Variants in DRP2 observed in about 807,000 individuals in gnomAD.
DRP2 encodes the protein dystrophin-related protein 2.
In DRP2, 29 loss-of-function variants were observed where a neutral mutation model predicts 78.2. The observed-to-expected ratio is 0.37, with a 90% CI of 0.28 to 0.51. The LOEUF (loss-of-function observed/expected upper bound fraction) is 0.51, where lower values mean the gene tolerates loss of function less well. Among genes scored for constraint, DRP2 ranks in the 20% least tolerant of loss-of-function variants. The pLI is 0.94. For missense variants in DRP2, 686 were observed against 770.6 expected (o/e 0.89, Z 1.30); for synonymous variants, 290 against 281.9 (o/e 1.03, Z -0.29).
intron 21 of DRP2, among the ~76,000 whole-genome samples, chrX:101,257,429 T>G (rs868678218): frequency 1.9e-5 from 1 of 51,447 alleles, no homozygotes; most frequent in African/African-American, 6.7e-5. Flanking sequence ...CAAGGCAAGA[T>G]AAAAAAAAAA....
In DRP2 at chrX:101,250,286, C is replaced by A. The variant is rs1254028680; in HGVS notation, c.1541-137C>A. 3.5e-6 allele frequency: 3 copies of A among 857,466 alleles called. No homozygotes were observed. The Admixed American group carries it at 7.5e-5, about 22-fold the overall frequency. The allele number at this position is 857,466 out of a possible 1,213,427, so 70.7% of individuals were successfully genotyped here. On this transcript the variant is annotated intron_variant, in intron 14 of 23. Transcript: ENST00000395209. ...CGGCTACTAGAAGGTCAGGGATAGACCTCTATGTAGTCCAGTTTGAAAAGT... is the reference window on the plus strand; with the variant it reads ...CGGCTACTAGAAGGTCAGGGATAGAACTCTATGTAGTCCAGTTTGAAAAGT...
Position 101,262,446 on chromosome X carries a change from C to G in DRP2, c.*1825C>G, listed in dbSNP as rs917027784. ...GAACATTCTCTGGTCCCTTCCAGCT[C>G]TTATGGTCTCACTCAGGGCTAAAGA... On this transcript the variant is annotated 3_prime_UTR_variant, in exon 24 of 24. Coordinates refer to ENST00000395209, the MANE Select transcript of DRP2 (RefSeq NM_001939.3). The G allele has an allele frequency of 9.0e-6, 1 of 111,693 alleles. No individual in the cohort carries two copies. The highest frequency in any genetic ancestry group is 3.8e-4 in the South Asian group (1 of 2,650). The allele number at this position is 111,693 out of a possible 1,213,427, so 9.2% of individuals were successfully genotyped here.
At chrX:101,243,066 G>A (rs1922790687) in intron 9 of DRP2, 84 bp downstream of exon 9, 1 of 892,881 alleles carries the variant, frequency 1.1e-6, no homozygotes, top group African/African-American at 2.0e-5. Context: ...GGGCCCTGGT[G>A]GGAGCCCAGT....
intron 12 of DRP2, among the ~76,000 whole-genome samples, chrX:101,247,572 C>G (rs1172594072): frequency 1.8e-5 from 2 of 111,406 alleles, no homozygotes; most frequent in Non-Finnish European, 3.8e-5. Context: ...TGGCCTTTCT[C>G]GGAGACACTG....
At position 101,227,999 on chromosome X, in the gene DRP2, G is replaced by A. The variant is rs1922178798; in HGVS notation, c.-64+3293G>A. ...GTGGAGGAAAAGCTAAATATCTTTAGCAATTAAGGAAACGCAAAGTAATCC... is the reference window on the plus strand; with the variant it reads ...GTGGAGGAAAAGCTAAATATCTTTAACAATTAAGGAAACGCAAAGTAATCC... On this transcript the variant is annotated intron_variant, in intron 2 of 23. Coordinates refer to ENST00000395209, the MANE Select transcript of DRP2 (RefSeq NM_001939.3). 6.2e-5 allele frequency among the ~76,000 whole-genome samples: 7 copies of A among 112,336 alleles called. No individual in the cohort carries two copies. The South Asian group carries it at 2.6e-3, about 41-fold the overall frequency.
In DRP2 at chrX:101,224,181, G is replaced by GTTT. The variant is rs1379202759; in HGVS notation, c.-166-423_-166-422insTTT. Among the ~76,000 whole-genome samples, 172 of 47,632 alleles carry GTTT rather than the reference G, an allele frequency of 3.6e-3. 11 individuals are homozygous for GTTT. Among genetic ancestry groups the GTTT allele is most frequent in the African/African-American group, 4.4e-3 (36 of 8,191 alleles). The allele number at this position is 47,632 out of a possible 115,157, so 41.4% of individuals were successfully genotyped here. ...TCCCAAGAATAATAAATGTTTGCTG[G>GTTT]GTTTTTTTTGTTTTTTTTTTTTTTT... On this transcript the variant is annotated intron_variant, in intron 1 of 23. Coordinates refer to ENST00000395209, the MANE Select transcript of DRP2 (RefSeq NM_001939.3).
chrX:101,260,422 C>A, intron 23 of DRP2, 75 bp from the exon 24 acceptor site: 2 of 1,148,448 alleles, frequency 1.7e-6, no homozygotes, highest in Non-Finnish European at 2.3e-6. Context: ...CTTCAGCTGG[C>A]AGAATTCTAT....
Position 101,258,391 on chromosome X carries a change from G to A in DRP2, c.2473G>A (p.Glu825Lys), listed in dbSNP as rs373399175. The A allele has an allele frequency of 6.1e-5, 74 of 1,204,337 alleles. No individual in the cohort carries two copies. Among genetic ancestry groups the A allele is most frequent in the Non-Finnish European group, 8.1e-5 (72 of 892,474 alleles). The change falls in exon 22 of 24, where the codon GAG becomes AAG. Residue 825 changes from glutamate (E) to lysine (K), a missense_variant. Transcript: ENST00000395209. ...ACCCAGTCTGGCTGACGGCTCCACT[G>A]AGGCAGCAACAGACCACCGCAATGA... ...EAPSLADGST[E>K]AATDHRNEEL... is the part of the protein sequence containing the mutation.
At chrX:101,255,406 C>G (rs1923302034) in intron 20 of DRP2, among the ~76,000 whole-genome samples, 157 bp downstream of exon 20, 1 of 110,964 alleles carries the variant, frequency 9.0e-6, no homozygotes, top group African/African-American at 3.3e-5. Context: ...GCACGGTGTT[C>G]AGTAAGAAAG....
chrX:101,230,527 A>AAAAT (rs781565377), intron 2 of DRP2, among the ~76,000 whole-genome samples: 9 of 110,613 alleles, frequency 8.1e-5, no homozygotes, highest in South Asian at 7.8e-4. Flanking sequence ...ACTCCCGTCT[A>AAAAT]AAATAAATAA....
chrX:101,256,149 A>G lies in DRP2; in HGVS notation c.2278A>G (p.Ser760Gly), dbSNP rs771013317. 8.3e-7 allele frequency: 1 copy of G among 1,205,666 alleles called. No homozygotes were observed. The highest frequency in any genetic ancestry group is 1.8e-5 in the South Asian group (1 of 55,653). Residue 760 changes from serine to glycine, a missense_variant, in exon 21 of 24, where the codon AGC becomes GGC. Ser to Gly is a moderately conservative substitution (Grantham distance 56). Transcript: ENST00000395209. ...GGACCAGTACCTGCTGCGGCACTCC[A>G]GCCCCATCACAGACCGGGAGCCAGC... The part of the protein sequence containing the change: ...DEDQYLLRHS[S>G]PITDREPAFG...
At chrX:101,230,710 G>A (rs1040332379) in intron 2 of DRP2, among the ~76,000 whole-genome samples, 9 of 110,107 alleles carry the variant, frequency 8.2e-5, no homozygotes, top group Non-Finnish European at 1.7e-4. Flanking sequence ...CACCTACCTT[G>A]TACTCTGGTC....
intron 2 of DRP2, among the ~76,000 whole-genome samples, chrX:101,225,617 T>G (rs1283228401): frequency 1.8e-5 from 2 of 111,552 alleles, no homozygotes; most frequent in Non-Finnish European, 3.8e-5. Flanking sequence ...CAGTTATTAT[T>G]TATTTGATTA....
rs1215497958 is a variant in DRP2 at position 101,237,871 on chromosome X, A to G, written c.438+96A>G. ...GACAGACACCCAGCTCTGCTGAGAC[A>G]CCTAAATGAATAGGAGGCTGTATGC... On this transcript the variant is annotated intron_variant, in intron 5 of 23. Coordinates refer to ENST00000395209, the MANE Select transcript of DRP2 (RefSeq NM_001939.3). 17 of 879,887 alleles carry G rather than the reference A, an allele frequency of 1.9e-5. No individual in the cohort carries two copies. In the East Asian group the frequency reaches 5.7e-4, roughly 30 times the overall value. The allele number at this position is 879,887 out of a possible 1,213,427, so 72.5% of individuals were successfully genotyped here.
At chrX:101,253,983 TTAAAGTA>T (rs1923243666) in intron 17 of DRP2, among the ~76,000 whole-genome samples, 1 of 110,258 alleles carries the variant, frequency 9.1e-6, no homozygotes, top group Non-Finnish European at 1.9e-5. Flanking sequence ...ATAAAAGCGT[TTAAAGTA>T]TAAAAAAAAG....
chrX:101,231,124 C>T lies in DRP2; in HGVS notation c.-63-461C>T, dbSNP rs763160669. 2.7e-5 allele frequency among the ~76,000 whole-genome samples: 3 copies of T among 112,186 alleles called. No homozygotes were observed. The South Asian group carries it at 1.1e-3, about 42-fold the overall frequency. On this transcript the variant is annotated intron_variant, in intron 2 of 23. Coordinates refer to ENST00000395209, the MANE Select transcript of DRP2 (RefSeq NM_001939.3). ...TCTGTCTGCTGGGAATGCCATTCTCCCTTTCTCCTCTGCACAAGCAAATAT... is the reference window on the plus strand; with the variant it reads ...TCTGTCTGCTGGGAATGCCATTCTCTCTTTCTCCTCTGCACAAGCAAATAT...
intron 2 of DRP2, among the ~76,000 whole-genome samples, chrX:101,226,664 G>T (rs1471459391): frequency 9.0e-6 from 1 of 111,428 alleles, no homozygotes; most frequent in Non-Finnish European, 1.9e-5. Context: ...GGTCCCTAGG[G>T]GAGGGCAGGG....
Position 101,261,250 on chromosome X carries a change from G to C in DRP2, c.*629G>C, listed in dbSNP as rs1197682147. 4 of 111,918 alleles carry C rather than the reference G, an allele frequency of 3.6e-5. No homozygotes were observed. Among genetic ancestry groups the C allele is most frequent in the Non-Finnish European group, 7.5e-5 (4 of 53,185 alleles). The allele number at this position is 111,918 out of a possible 1,213,427, so 9.2% of individuals were successfully genotyped here. A position where few individuals can be genotyped will look rare whatever the true frequency, so the allele number is the denominator to read the frequency against. The stretch of plus-strand genomic sequence containing the variant: ...TTCATTTTCTTTAGCCTCAGTCCCT[G>C]ACAGACCTTCCTTAAGGGGAGAACA... On this transcript the variant is annotated 3_prime_UTR_variant, in exon 24 of 24. Transcript: ENST00000395209.
At chrX:101,242,546 G>A in intron 8 of DRP2, 75 bp downstream of exon 8, 1 of 1,120,120 alleles carries the variant, frequency 8.9e-7, no homozygotes, top group Non-Finnish European at 1.2e-6. Context: ...TTCTTCAGGG[G>A]TATGGAAATA....
Sources: gnomAD v4.1 joint callset for allele counts (sites outside exome capture counted in the v4.1 genomes callset) on GRCh38, gnomAD v4.1.1 for gene constraint, MANE v1.5 for transcripts, NCBI Gene and HGNC (gene_info 2026-07-23, HGNC 2026-07-21) for gene names.